Variants in PDE3A observed in about 807,000 individuals in gnomAD.
PDE3A encodes cGMP-inhibited 3',5'-cyclic phosphodiesterase 3A.
Under a neutral mutation model 98.3 loss-of-function variants are expected in PDE3A, and 43 were observed. The observed-to-expected ratio is 0.44, with a 90% CI of 0.34 to 0.56. The LOEUF (loss-of-function observed/expected upper bound fraction) is 0.56, where lower values mean the gene tolerates loss of function less well. PDE3A is among the 20% of genes least tolerant of loss of function. The pLI is 0.01. For missense variants in PDE3A, 1,427 were observed against 1,440.7 expected, an observed-to-expected ratio of 0.99 and a Z score of 0.15; for synonymous variants, 663 against 567.9, an observed-to-expected ratio of 1.17 and a Z score of -2.38.
At chr12:20,507,491 C>T (rs988513844) in intron 1 of PDE3A, among the ~76,000 whole-genome samples, 7 of 152,010 alleles carry the variant, frequency 4.6e-5, no homozygotes, top group East Asian at 3.9e-4. Context: ...CTGATAACTC[C>T]TAAGTTCATA....
chr12:20,443,143 G>A (rs898751429), intron 1 of PDE3A, among the ~76,000 whole-genome samples: 2 of 151,956 alleles, frequency 1.3e-5, no homozygotes, highest in African/African-American at 4.8e-5. Flanking sequence ...TATTTAATGT[G>A]TATTTGCCCC....
chr12:20,385,271 T>C (rs577941650), intron 1 of PDE3A, among the ~76,000 whole-genome samples: 26 of 152,124 alleles, frequency 1.7e-4, no homozygotes, highest in African/African-American at 5.3e-4. Flanking sequence ...ATGGCGATCA[T>C]TAAAAAGTCA....
chr12:20,499,739 C>T (rs548903826), intron 1 of PDE3A, among the ~76,000 whole-genome samples: 79 of 152,058 alleles, frequency 5.2e-4, no homozygotes, highest in Admixed American at 3.3e-3. Flanking sequence ...CTTAAATGTA[C>T]GGTTCAATTA....
intron 2 of PDE3A, among the ~76,000 whole-genome samples, chr12:20,570,967 G>A (rs1018885516): frequency 6.6e-6 from 1 of 152,104 alleles, no homozygotes; most frequent in African/African-American, 2.4e-5. Flanking sequence ...GATGGACAGT[G>A]TTTTAGATGA....
intron 1 of PDE3A, among the ~76,000 whole-genome samples, chr12:20,522,617 C>T (rs368991470): frequency 3.3e-5 from 5 of 151,842 alleles, no homozygotes; most frequent in African/African-American, 1.2e-4. Context: ...GTGGTTATCT[C>T]GGTTAGAGAT....
chr12:20,471,344 G>A (rs1241093119), intron 1 of PDE3A, among the ~76,000 whole-genome samples: 2 of 152,124 alleles, frequency 1.3e-5, no homozygotes, highest in Admixed American at 6.5e-5. Context: ...GGCCCCATCC[G>A]TGATCAATTA....
chr12:20,444,939 C>G (rs1310845386), intron 1 of PDE3A, among the ~76,000 whole-genome samples: 2 of 152,172 alleles, frequency 1.3e-5, no homozygotes, highest in African/African-American at 4.8e-5. Context: ...AATCCTGGCT[C>G]TAGGTTGGAG....
At chr12:20,667,246 T>C (rs1364280388) in intron 15 of PDE3A, among the ~76,000 whole-genome samples, 9 of 152,192 alleles carry the variant, frequency 5.9e-5, no homozygotes, top group African/African-American at 1.9e-4. Context: ...ACTATGTTGA[T>C]TCATTTGCTA....
intron 5 of PDE3A, 132 bp downstream of exon 5, chr12:20,621,543 A>AT: frequency 1.8e-6 from 1 of 570,478 alleles, no homozygotes; most frequent in Non-Finnish European, 3.1e-6. Flanking sequence ...CTAATAACCA[A>AT]TTAGTTATTT....
chr12:20,585,549 A>G (rs1410259159), intron 2 of PDE3A, among the ~76,000 whole-genome samples: 1 of 152,218 alleles, frequency 6.6e-6, no homozygotes, highest in African/African-American at 2.4e-5. Flanking sequence ...TTGCCAACTG[A>G]GAGACCTTTA....
rs188291939 is a variant in PDE3A at position 20,475,725 on chromosome 12, A to G, written c.961-80935A>G. Among the ~76,000 whole-genome samples, 500 of 152,118 alleles carry G rather than the reference A, an allele frequency of 3.3e-3. 4 individuals are homozygous for G. The highest frequency in any genetic ancestry group is 0.012 in the African/African-American group (478 of 41,528). On this transcript the variant is annotated intron_variant, in intron 1 of 15. Transcript: ENST00000359062. ...AGCCTGGGTGACACACCATACACAC[A>G]CACACACACATACACAATCTTGGTA...
intron 1 of PDE3A, among the ~76,000 whole-genome samples, chr12:20,478,906 A>G (rs1945576123): frequency 6.6e-6 from 1 of 152,228 alleles, no homozygotes; most frequent in Non-Finnish European, 1.5e-5. Flanking sequence ...AATGTCTACC[A>G]GCCTTCTGAA....
intron 1 of PDE3A, among the ~76,000 whole-genome samples, chr12:20,386,239 T>A (rs1236362141): frequency 4.0e-5 from 5 of 123,474 alleles, no homozygotes; most frequent in Admixed American, 1.9e-4. Flanking sequence ...AAAATATAAA[T>A]ATAAATATAT....
At chr12:20,462,984 C>T (rs1481737477) in intron 1 of PDE3A, among the ~76,000 whole-genome samples, 4 of 151,950 alleles carry the variant, frequency 2.6e-5, no homozygotes, top group African/African-American at 9.7e-5. Context: ...GTTGCCTAGG[C>T]TGGTCTCAAA....
intron 2 of PDE3A, among the ~76,000 whole-genome samples, chr12:20,608,779 TCTA>T (rs1943775868): frequency 6.6e-6 from 1 of 152,096 alleles, no homozygotes; most frequent in African/African-American, 2.4e-5. Context: ...ATGAACATGT[TCTA>T]CTTTTTCTTC....
chr12:20,375,072 CAT>C (rs1247228231), intron 1 of PDE3A, among the ~76,000 whole-genome samples: 1 of 151,868 alleles, frequency 6.6e-6, no homozygotes, highest in Admixed American at 6.6e-5. Flanking sequence ...CTTCCTGCTC[CAT>C]TTCTGTGTGG....
At chr12:20,443,283 T>C (rs1405147127) in intron 1 of PDE3A, among the ~76,000 whole-genome samples, 1 of 152,162 alleles carries the variant, frequency 6.6e-6, no homozygotes, top group African/African-American at 2.4e-5. Context: ...TATCTATGGA[T>C]ATTGATAAAC....
At chr12:20,558,852 A>G (rs1360231622) in intron 2 of PDE3A, among the ~76,000 whole-genome samples, 2 of 152,086 alleles carry the variant, frequency 1.3e-5, no homozygotes, top group Admixed American at 1.3e-4. Context: ...CAGACCTCTT[A>G]ATAGTTTACT....
chr12:20,614,095 G>A (rs112240168), intron 3 of PDE3A, among the ~76,000 whole-genome samples: 1 of 152,124 alleles, frequency 6.6e-6, no homozygotes, highest in African/African-American at 2.4e-5. Context: ...TAAAGCTAAA[G>A]GTTCTTTACT....
Sources: allele counts gnomAD v4.1 joint callset (sites outside exome capture counted in the v4.1 genomes callset), GRCh38; gene constraint gnomAD v4.1.1; transcripts MANE v1.5; gene names NCBI Gene and HGNC (gene_info 2026-07-23, HGNC 2026-07-21).